GABRG3: variants seen among roughly 807,000 people sequenced by gnomAD.
GABRG3 encodes the protein gamma-aminobutyric acid type A receptor subunit gamma3.
Under a neutral mutation model 48.8 loss-of-function variants are expected in GABRG3, and 25 were observed. That is an observed-to-expected ratio of 0.51 (90% CI 0.37 to 0.72). GABRG3 has a LOEUF of 0.72. Ranked by LOEUF, GABRG3 falls within the 30% of genes least tolerant of loss-of-function variation. The probability of loss-of-function intolerance (pLI) is 0.00; values close to 1 mark genes in which losing one functional copy is unlikely to be tolerated. For synonymous variants in GABRG3, 227 were observed against 217.6 expected, an observed-to-expected ratio of 1.04 and a Z score of -0.38; for missense variants, 394 against 577.9, an observed-to-expected ratio of 0.68 and a Z score of 3.26.
chr15:27,190,195 G>C, intron 3 of GABRG3, among the ~76,000 whole-genome samples: 1 of 152,056 alleles, frequency 6.6e-6, no homozygotes, highest in Non-Finnish European at 1.5e-5. Context: ...CTCTTTTTTG[G>C]TTGTGTCTCT....
intron 5 of GABRG3, among the ~76,000 whole-genome samples, chr15:27,367,370 G>A (rs774521073): frequency 1.4e-4 from 22 of 152,238 alleles, no homozygotes; most frequent in Admixed American, 3.3e-4. Flanking sequence ...AAAGAAACCA[G>A]CCTACCAATA....
At chr15:27,388,198 AAGGAAGGAAGGAAAGG>A (rs1262193658) in intron 5 of GABRG3, among the ~76,000 whole-genome samples, 2 of 77,766 alleles carry the variant, frequency 2.6e-5, no homozygotes, top group African/African-American at 6.0e-5. Context: ...GAGGGTAAGG[AAGGAAGGAAGGAAAGG>A]AGGAAGGAAG....
At chr15:27,039,569 G>A (rs1654641497) in intron 3 of GABRG3, among the ~76,000 whole-genome samples, 1 of 152,202 alleles carries the variant, frequency 6.6e-6, no homozygotes. Flanking sequence ...GAAGTGTTAT[G>A]AAGACGCCAC....
rs766097100 is a variant in GABRG3 at position 27,008,157 on chromosome 15, G to A, written c.203-18597G>A. 2.0e-5 allele frequency among the ~76,000 whole-genome samples: 3 copies of A among 152,132 alleles called. No individual in the cohort carries two copies. The South Asian group carries it at 6.2e-4, about 32-fold the overall frequency. On this transcript the variant is annotated intron_variant, in intron 2 of 9. Transcript: ENST00000615808. ...ATTTAGCTAAATAATTATATTTTAT[G>A]TGCATTAAAATAACAACAGAAAAAT...
In GABRG3 at chr15:27,130,542, A is replaced by C. The variant is rs4258582; in HGVS notation, c.270+103721A>C. 4.6e-5 allele frequency among the ~76,000 whole-genome samples: 7 copies of C among 151,992 alleles called. No homozygotes were observed. In the South Asian group the frequency reaches 1.2e-3, roughly 27 times the overall value. On this transcript the variant is annotated intron_variant, in intron 3 of 9. Transcript: ENST00000615808. ...TATTTGGAGTCTTTTGAATTTCTAT[A>C]TTAATTCTAGGATTTTCTTTTCAAT...
chr15:26,977,369 C>T (rs1894971228), intron 2 of GABRG3, among the ~76,000 whole-genome samples: 1 of 152,066 alleles, frequency 6.6e-6, no homozygotes. Flanking sequence ...CCCATGTAGA[C>T]TTATGTAATG....
chr15:27,042,840 T>G (rs1384035713), intron 3 of GABRG3, among the ~76,000 whole-genome samples: 1 of 152,132 alleles, frequency 6.6e-6, no homozygotes, highest in East Asian at 1.9e-4. Context: ...TGCATCACTC[T>G]TAGCAGGGCC....
chr15:27,345,984 G>A (rs1595692672), intron 5 of GABRG3, among the ~76,000 whole-genome samples: 1 of 151,650 alleles, frequency 6.6e-6, no homozygotes, highest in South Asian at 2.1e-4. Context: ...AACCCAGGAG[G>A]TGGAGGTTTC....
At chr15:27,052,060 C>A (rs959344111) in intron 3 of GABRG3, among the ~76,000 whole-genome samples, 6 of 152,176 alleles carry the variant, frequency 3.9e-5, no homozygotes, top group Non-Finnish European at 7.3e-5. Flanking sequence ...TTCTCTTGCT[C>A]GCCCGCCTCT....
intron 3 of GABRG3, among the ~76,000 whole-genome samples, chr15:27,054,586 A>G (rs1185831209): frequency 6.6e-6 from 1 of 152,192 alleles, no homozygotes; most frequent in African/African-American, 2.4e-5. Flanking sequence ...GCGGAAATGC[A>G]TCCGTTTATT....
At chr15:27,136,347 AAG>A (rs958851932) in intron 3 of GABRG3, among the ~76,000 whole-genome samples, 43 of 152,228 alleles carry the variant, frequency 2.8e-4, no homozygotes, top group Admixed American at 2.4e-3. Context: ...TAAGCTTTGA[AAG>A]AGTAATTTTC....
chr15:27,075,073 A>G (rs1245949423), intron 3 of GABRG3, among the ~76,000 whole-genome samples: 6 of 152,222 alleles, frequency 3.9e-5, no homozygotes, highest in African/African-American at 1.4e-4. Flanking sequence ...CTTCAAGTAA[A>G]ATGTGAACAC....
chr15:27,105,565 C>T (rs191792081), intron 3 of GABRG3, among the ~76,000 whole-genome samples: 1 of 152,178 alleles, frequency 6.6e-6, no homozygotes, highest in Non-Finnish European at 1.5e-5. Context: ...GTTCTGCAAC[C>T]ATCATGTAAT....
At chr15:27,102,649 CT>C (rs1044989157) in intron 3 of GABRG3, among the ~76,000 whole-genome samples, 13 of 152,162 alleles carry the variant, frequency 8.5e-5, no homozygotes, top group Non-Finnish European at 1.6e-4. Context: ...AAACAAGTTA[CT>C]TTCTTCACTA....
intron 3 of GABRG3, among the ~76,000 whole-genome samples, chr15:27,124,998 G>T (rs1897794317): frequency 6.6e-6 from 1 of 152,140 alleles, no homozygotes; most frequent in Admixed American, 6.5e-5. Context: ...TTACTGCTGT[G>T]TGGGATTATT....
intron 5 of GABRG3, among the ~76,000 whole-genome samples, chr15:27,445,486 G>A (rs1230921132): frequency 1.3e-5 from 2 of 152,076 alleles, no homozygotes; most frequent in Non-Finnish European, 2.9e-5. Flanking sequence ...ATCTTCTTTG[G>A]AAAAATTATC....
chr15:27,101,842 T>TAAAAA (rs55887752), intron 3 of GABRG3, among the ~76,000 whole-genome samples: 3 of 72,520 alleles, frequency 4.1e-5, no homozygotes, highest in Admixed American at 1.6e-4. Flanking sequence ...GCTGATGAGC[T>TAAAAA]AAAAAAAAAA....
chr15:27,499,158 A>C (rs1253495846), intron 6 of GABRG3, among the ~76,000 whole-genome samples: 1 of 152,240 alleles, frequency 6.6e-6, no homozygotes, highest in Non-Finnish European at 1.5e-5. Flanking sequence ...AAATTAAAAC[A>C]GTTCTTAGAA....
intron 3 of GABRG3, among the ~76,000 whole-genome samples, chr15:27,215,476 C>T (rs1026535722): frequency 4.6e-5 from 7 of 152,202 alleles, no homozygotes; most frequent in Non-Finnish European, 8.8e-5. Flanking sequence ...CCTGCAGTTA[C>T]ACTGTCTGCA....
Sources: allele counts gnomAD v4.1 joint callset (sites outside exome capture counted in the v4.1 genomes callset), GRCh38; gene constraint gnomAD v4.1.1; transcripts MANE v1.5; gene names NCBI Gene and HGNC (gene_info 2026-07-23, HGNC 2026-07-21).